The following CACNA2D3 variants were observed in gnomAD, a reference collection of about 807,000 sequenced individuals.
CACNA2D3 encodes the protein calcium voltage-gated channel auxiliary subunit alpha2delta 3.
Under a neutral mutation model 160.6 loss-of-function variants are expected in CACNA2D3, and 60 were observed. The ratio of observed to expected loss-of-function variants is 0.37; its 90% CI spans 0.30 to 0.46. The LOEUF is 0.46. CACNA2D3 is among the 20% of genes least tolerant of loss of function. CACNA2D3 has a pLI of 1.00. For missense variants in CACNA2D3, 1,205 were observed against 1,365.0 expected (o/e 0.88, Z 1.85); for synonymous variants, 558 against 492.9 (o/e 1.13, Z -1.75).
At chr3:54,694,944 A>G (rs1018991852) in intron 11 of CACNA2D3, among the ~76,000 whole-genome samples, 2 of 152,218 alleles carry the variant, frequency 1.3e-5, no homozygotes, top group African/African-American at 4.8e-5. Flanking sequence ...CTTTTCACAA[A>G]GTGAGGATCA....
At chr3:54,883,476 T>C (rs1455167734) in intron 21 of CACNA2D3, among the ~76,000 whole-genome samples, 3 of 152,188 alleles carry the variant, frequency 2.0e-5, no homozygotes, top group Admixed American at 6.5e-5. Flanking sequence ...TAAATTTCCT[T>C]GGTGCCCTAG....
intron 27 of CACNA2D3, among the ~76,000 whole-genome samples, chr3:54,909,643 ATTT>A (rs759615370): frequency 8.7e-4 from 108 of 123,812 alleles, no homozygotes; most frequent in African/African-American, 2.3e-3. Context: ...TTTTTTTGTG[ATTT>A]TTTTTTTTTT....
chr3:54,157,175 A>G (rs1700259264), intron 2 of CACNA2D3, among the ~76,000 whole-genome samples: 1 of 152,156 alleles, frequency 6.6e-6, no homozygotes, highest in Non-Finnish European at 1.5e-5. Flanking sequence ...CCCTGTGTGC[A>G]TGTAGAAAGA....
In CACNA2D3 at chr3:54,663,717, T is replaced by C. The variant is rs6806374; in HGVS notation, c.1167+21476T>C. 7.9e-3 allele frequency among the ~76,000 whole-genome samples: 1,199 copies of C among 152,338 alleles called. 16 individuals are homozygous for C. Among genetic ancestry groups the C allele is most frequent in the African/African-American group, 0.028 (1,145 of 41,588 alleles). On this transcript the variant is annotated intron_variant, in intron 11 of 37. Coordinates refer to ENST00000474759, the MANE Select transcript of CACNA2D3 (RefSeq NM_018398.3). ...CATACCAGCTGACACATCTGTGAGA[T>C]GCACCAGCAGATGGGGGCTGAGCCC...
chr3:54,424,170 G>T (rs941327226), intron 4 of CACNA2D3, among the ~76,000 whole-genome samples: 1 of 151,984 alleles, frequency 6.6e-6, no homozygotes, highest in East Asian at 1.9e-4. Context: ...TTGAACAAGG[G>T]GCCCTGTATT....
intron 2 of CACNA2D3, among the ~76,000 whole-genome samples, chr3:54,234,326 C>A (rs554899687): frequency 3.4e-4 from 51 of 151,986 alleles, no homozygotes; most frequent in Non-Finnish European, 6.5e-4. Context: ...ATTAAAAAAG[C>A]CAAAAACCAA....
At chr3:54,791,659 C>CT (rs932776558) in intron 13 of CACNA2D3, among the ~76,000 whole-genome samples, 6 of 152,022 alleles carry the variant, frequency 3.9e-5, no homozygotes, top group Non-Finnish European at 8.8e-5. Flanking sequence ...GATTCTCTCT[C>CT]TTTTTTTCCA....
At chr3:54,921,623 T>C (rs1218659529) in intron 27 of CACNA2D3, among the ~76,000 whole-genome samples, 1 of 152,170 alleles carries the variant, frequency 6.6e-6, no homozygotes, top group East Asian at 1.9e-4. Context: ...ATTAATTGAA[T>C]TAATTAATGC....
intron 2 of CACNA2D3, among the ~76,000 whole-genome samples, chr3:54,240,002 T>C (rs73087993): frequency 0.026 from 3,952 of 152,302 alleles, 86 homozygotes; most frequent in South Asian, 0.085. Context: ...TGGAATCTTA[T>C]TTCAGGCCAG....
At chr3:54,432,059 G>A (rs931123577) in intron 4 of CACNA2D3, among the ~76,000 whole-genome samples, 5 of 152,128 alleles carry the variant, frequency 3.3e-5, no homozygotes, top group African/African-American at 9.7e-5. Context: ...GGGTCTATCT[G>A]TGGCTGTAAT....
chr3:54,571,013 A>G (rs1323278629), intron 8 of CACNA2D3, among the ~76,000 whole-genome samples: 1 of 152,134 alleles, frequency 6.6e-6, no homozygotes, highest in African/African-American at 2.4e-5. Flanking sequence ...TTGTTTTTCT[A>G]CATTTTAGGG....
rs1409373790 is a variant in CACNA2D3 at position 55,069,233 on chromosome 3, C to G, written c.2988-4212C>G. On this transcript the variant is annotated intron_variant, in intron 35 of 37. Transcript: ENST00000474759. Reference sequence around the variant, plus strand: ...CTTTTATGATTGTCCAGACTATTCTCTATATTTACTCTTCTGAAAGAATCC... The same window carrying G: ...CTTTTATGATTGTCCAGACTATTCTGTATATTTACTCTTCTGAAAGAATCC... 2.0e-5 allele frequency among the ~76,000 whole-genome samples: 3 copies of G among 152,064 alleles called. No homozygotes were observed. The East Asian group carries it at 5.8e-4, about 29-fold the overall frequency.
At chr3:54,497,003 A>T (rs1457505730) in intron 4 of CACNA2D3, among the ~76,000 whole-genome samples, 3 of 152,076 alleles carry the variant, frequency 2.0e-5, no homozygotes, top group Non-Finnish European at 4.4e-5. Flanking sequence ...TACTGCTTTG[A>T]TTAATTTGAT....
At chr3:54,184,239 T>C (rs1179298770) in intron 2 of CACNA2D3, among the ~76,000 whole-genome samples, 1 of 152,202 alleles carries the variant, frequency 6.6e-6, no homozygotes, top group Non-Finnish European at 1.5e-5. Context: ...GGCGCACACT[T>C]GACAAACCCT....
At chr3:54,126,965 C>G (rs754823224) in intron 2 of CACNA2D3, among the ~76,000 whole-genome samples, 2 of 152,160 alleles carry the variant, frequency 1.3e-5, no homozygotes, top group Non-Finnish European at 2.9e-5. Flanking sequence ...TTTTGGGATT[C>G]AGTGAGAAGC....
intron 29 of CACNA2D3, among the ~76,000 whole-genome samples, chr3:54,980,136 A>T (rs890053525): frequency 6.6e-6 from 1 of 152,180 alleles, no homozygotes; most frequent in Admixed American, 6.6e-5. Context: ...TTACCTTTGC[A>T]TTAGTGTACT....
Position 54,540,250 on chromosome 3 carries a change from A to T in CACNA2D3, c.545-22550A>T, listed in dbSNP as rs114839426. ...AATTCAGCGGCATCCTCAAACCCAG[A>T]TGCCTCCCTGGATAACAGCGTTTCT... On this transcript the variant is annotated intron_variant, in intron 5 of 37. Transcript: ENST00000474759. Among the ~76,000 whole-genome samples the T allele has an allele frequency of 5.1e-3, 770 of 152,302 alleles. 8 individuals carry two copies. The highest frequency in any genetic ancestry group is 0.017 in the African/African-American group (714 of 41,554).
At chr3:54,245,703 G>A (rs986430522) in intron 2 of CACNA2D3, among the ~76,000 whole-genome samples, 6 of 152,170 alleles carry the variant, frequency 3.9e-5, no homozygotes, top group African/African-American at 1.4e-4. Flanking sequence ...AAGGTCACAC[G>A]ATCTCCCCCA....
In CACNA2D3 at chr3:54,194,410, G is replaced by T. The variant is rs938743124; in HGVS notation, c.204+70816G>T. On this transcript the variant is annotated intron_variant, in intron 2 of 37. Transcript: ENST00000474759. Reference sequence around the variant, plus strand: ...CATAATTGAGAAGCAGGGACATGATGATGGGACCATTTCATAATGGCCAAA... The same window carrying T: ...CATAATTGAGAAGCAGGGACATGATTATGGGACCATTTCATAATGGCCAAA... Among the ~76,000 whole-genome samples, 8 of 152,160 alleles carry T rather than the reference G, an allele frequency of 5.3e-5. No individual in the cohort carries two copies. The East Asian group carries it at 1.5e-3, about 29-fold the overall frequency.
Sources: allele counts gnomAD v4.1 joint callset (sites outside exome capture counted in the v4.1 genomes callset), GRCh38; gene constraint gnomAD v4.1.1; transcripts MANE v1.5; gene names NCBI Gene and HGNC (gene_info 2026-07-23, HGNC 2026-07-21).